FAP: variants seen among roughly 807,000 people sequenced by gnomAD.
FAP encodes the protein fibroblast activation protein alpha, also known as prolyl endopeptidase FAP.
A neutral mutation model predicts 126.5 loss-of-function variants in FAP; 110 were observed. That is an observed-to-expected ratio of 0.87 (90% CI 0.74 to 1.02). FAP has a LOEUF of 1.02. FAP is among the 50% of genes least tolerant of loss of function. FAP has a pLI of 0.00. For synonymous variants in FAP, 334 were observed against 297.3 expected, an observed-to-expected ratio of 1.12 and a Z score of -1.27; for missense variants, 919 against 909.2, an observed-to-expected ratio of 1.01 and a Z score of -0.14.
In FAP at chr2:162,189,769, A is replaced by G; in HGVS notation, c.1451-15T>C. ...GATTTTAATTTCTGAAAAATGTTAA[A>G]TGTTCATTTTTAATCAATAGTATTT... is the stretch of plus-strand genomic sequence containing the variant. On this transcript the variant is annotated splice_polypyrimidine_tract_variant and intron_variant, in intron 17 of 25. Transcript: ENST00000188790. 1 of 1,419,514 alleles carries G rather than the reference A, an allele frequency of 7.0e-7. No individual in the cohort carries two copies. Among genetic ancestry groups the G allele is most frequent in the South Asian group, 1.2e-5 (1 of 80,430 alleles). 87.9% of individuals were successfully genotyped at this position (1,419,514 alleles called of 1,614,324 possible).
chr2:162,189,154 A>C lies in FAP; in HGVS notation c.1568T>G (p.Ile523Ser). The change falls in exon 19 of 26, where the codon ATT (isoleucine) becomes AGT (serine). Residue 523 changes from isoleucine to serine, a missense_variant. By Grantham distance (142) the Ile-to-Ser change is moderately radical. Coordinates refer to ENST00000188790, the MANE Select transcript of FAP (RefSeq NM_004460.5). ...TGATCTGTCAAATTGAGGAGGAAGA[A>C]TCATCTTGTACCATAAAGCTTTGAG... ...VDEITLWYKM[I>S]LPPQFDRSKK... 1.9e-6 allele frequency: 3 copies of C among 1,603,544 alleles called. No individual in the cohort carries two copies.
chr2:162,187,545 T>C (rs754245417), intron 20 of FAP, among the ~76,000 whole-genome samples: 7 of 152,120 alleles, frequency 4.6e-5, no homozygotes, highest in Non-Finnish European at 7.4e-5. Flanking sequence ...GAAAAGATGA[T>C]TGAACCATAA....
rs534217345 is a variant in FAP at position 162,237,472 on chromosome 2, C to T, written c.91+5436G>A. The stretch of plus-strand genomic sequence containing the variant: ...CTTATAAGTGAGAACATGCAGTGTT[C>T]GGTTTTCTGTTTCTGTGTTAGTTTG... On this transcript the variant is annotated intron_variant, in intron 2 of 25. Transcript: ENST00000188790. Among the ~76,000 whole-genome samples the T allele has an allele frequency of 4.6e-5, 7 of 151,986 alleles. 1 individual carries two copies. Among genetic ancestry groups the T allele is most frequent in the Admixed American group, 3.9e-4 (6 of 15,256 alleles).
intron 2 of FAP, among the ~76,000 whole-genome samples, chr2:162,242,070 A>G (rs1463972599): frequency 3.3e-5 from 5 of 152,124 alleles, no homozygotes; most frequent in Non-Finnish European, 4.4e-5. Flanking sequence ...ATAAACTTTT[A>G]GTATTTATTA....
chr2:162,194,575 T>C (rs552086448), intron 17 of FAP, 126 bp downstream of exon 17: 1 of 769,090 alleles, frequency 1.3e-6, no homozygotes, highest in South Asian at 1.6e-5. Flanking sequence ...ATAAGTGATG[T>C]GATAACAGGA....
At chr2:162,243,069 T>A in intron 1 of FAP, 77 bp from the exon 2 acceptor site, 1 of 1,170,474 alleles carries the variant, frequency 8.5e-7, no homozygotes, top group Non-Finnish European at 1.3e-6. Context: ...TGTTTACACC[T>A]AAATCCTTTT....
intron 2 of FAP, among the ~76,000 whole-genome samples, chr2:162,234,226 T>C (rs906575194): frequency 1.3e-5 from 2 of 152,196 alleles, no homozygotes; most frequent in Non-Finnish European, 2.9e-5. Context: ...GATCAGCTAG[T>C]CACTTTCTGC....
chr2:162,197,533 G>C, intron 16 of FAP: 1 of 456,540 alleles, frequency 2.2e-6, no homozygotes, highest in Non-Finnish European at 4.4e-6. Context: ...AGATGCCATT[G>C]ACCAAACATT....
intron 25 of FAP, chr2:162,172,381 A>G (rs1211156160): frequency 6.2e-6 from 1 of 161,372 alleles, no homozygotes; most frequent in Non-Finnish European, 1.4e-5. Flanking sequence ...TCTAACCACA[A>G]ATGGAGCCAT....
At position 162,172,828 on chromosome 2, in the gene FAP, C is replaced by T. The variant is rs1483469492; in HGVS notation, c.2164G>A (p.Val722Met). ...TTATGTACCATTGCCTGGAAATCCACTTGTGCATTAACCAGAGCTTTAGCA... is the reference window on the plus strand; with the variant it reads ...TTATGTACCATTGCCTGGAAATCCATTTGTGCATTAACCAGAGCTTTAGCA... Reference protein sequence around the residue: ...QIAKALVNAQVDFQAMWYSDQ... With the variant: ...QIAKALVNAQMDFQAMWYSDQ... The change falls in exon 25 of 26, where the codon GTG becomes ATG. Residue 722 changes from valine (V) to methionine (M), a missense_variant. Physicochemically the swap from Val to Met is conservative, Grantham distance 21 (BLOSUM62 1). Transcript: ENST00000188790. 4 of 1,612,580 alleles carry T rather than the reference C, an allele frequency of 2.5e-6. No individual in the cohort carries two copies. Among genetic ancestry groups the T allele is most frequent in the Non-Finnish European group, 3.4e-6 (4 of 1,178,906 alleles).
At chr2:162,200,508 A>G in intron 15 of FAP, 58 bp downstream of exon 15, 1 of 951,844 alleles carries the variant, frequency 1.1e-6, no homozygotes, top group Non-Finnish European at 1.7e-6. Flanking sequence ...GGGGATGATG[A>G]CTTTTTATAT....
At chr2:162,217,270 T>C (rs1689191101) in intron 9 of FAP, among the ~76,000 whole-genome samples, 1 of 152,182 alleles carries the variant, frequency 6.6e-6, no homozygotes, top group African/African-American at 2.4e-5. Flanking sequence ...AGAAGTGAAT[T>C]CTAAAATCGC....
At chr2:162,192,052 C>T (rs540510073) in intron 17 of FAP, among the ~76,000 whole-genome samples, 35 of 152,200 alleles carry the variant, frequency 2.3e-4, no homozygotes, top group African/African-American at 8.4e-4. Context: ...ATTTTTTCTG[C>T]TGATTTCCTC....
At chr2:162,222,836 A>G (rs1689469268) in intron 6 of FAP, among the ~76,000 whole-genome samples, 1 of 152,058 alleles carries the variant, frequency 6.6e-6, no homozygotes, top group Non-Finnish European at 1.5e-5. Flanking sequence ...ACCACCTCCT[A>G]CTAGTCAGCA....
chr2:162,233,602 G>A (rs1372245045), intron 2 of FAP, among the ~76,000 whole-genome samples: 2 of 151,848 alleles, frequency 1.3e-5, no homozygotes, highest in African/African-American at 2.4e-5. Flanking sequence ...AGAATTCTTT[G>A]TATATTCTAG....
chr2:162,226,634 A>C lies in FAP; in HGVS notation c.92-13T>G. Reference sequence around the variant, plus strand: ...TCAGAGTTATGAACTTTGGGGGAAGAGCAAATACATCCTTATTAAAAAGAA... The same window carrying C: ...TCAGAGTTATGAACTTTGGGGGAAGCGCAAATACATCCTTATTAAAAAGAA... On this transcript the variant is annotated splice_polypyrimidine_tract_variant and intron_variant, in intron 2 of 25. Transcript: ENST00000188790. 1 of 1,345,532 alleles carries C rather than the reference A, an allele frequency of 7.4e-7. No homozygotes were observed. The allele number at this position is 1,345,532 out of a possible 1,614,324, so 83.3% of individuals were successfully genotyped here.
At chr2:162,238,525 A>G (rs527879463) in intron 2 of FAP, among the ~76,000 whole-genome samples, 1 of 151,486 alleles carries the variant, frequency 6.6e-6, no homozygotes, top group Non-Finnish European at 1.5e-5. Context: ...AGAGAACTAT[A>G]AACTGCAAAC....
In FAP at chr2:162,189,743, G is replaced by T; in HGVS notation, c.1462C>A (p.Leu488Met). ...TTTTCCAATTCCTTGTTTTCTTCCA[G>T]GATTTTAATTTCTGAAAAATGTTAA... ...DGRTDQEIKILEENKELENAL... is the reference protein window; with the variant it reads ...DGRTDQEIKIMEENKELENAL... The change falls in exon 18 of 26, where the codon CTG (leucine) becomes ATG (methionine). Residue 488 changes from leucine to methionine, a missense_variant. By Grantham distance (15) the Leu-to-Met change is conservative. Transcript: ENST00000188790. The T allele has an allele frequency of 6.4e-7, 1 of 1,557,856 alleles. No homozygotes were observed. Among genetic ancestry groups the T allele is most frequent in the Non-Finnish European group, 8.8e-7 (1 of 1,141,732 alleles).
intron 2 of FAP, among the ~76,000 whole-genome samples, chr2:162,242,386 T>C (rs1485056962): frequency 6.6e-6 from 1 of 152,198 alleles, no homozygotes; most frequent in Non-Finnish European, 1.5e-5. Flanking sequence ...TCTAATTTGA[T>C]GTGCAGTGCT....
Sources: gnomAD v4.1 joint callset for allele counts (sites outside exome capture counted in the v4.1 genomes callset) on GRCh38, gnomAD v4.1.1 for gene constraint, MANE v1.5 for transcripts, NCBI Gene and HGNC (gene_info 2026-07-23, HGNC 2026-07-21) for gene names.